The following RSRC1 variants were observed in gnomAD, a reference collection of about 807,000 sequenced individuals.
RSRC1 encodes serine/Arginine-related protein 53.
In RSRC1, 39 loss-of-function variants were observed where a neutral mutation model predicts 49.1. The ratio of observed to expected loss-of-function variants is 0.79; its 90% CI spans 0.61 to 1.04. The LOEUF is 1.04. RSRC1 is among the 50% of genes least tolerant of loss of function. The probability of loss-of-function intolerance (pLI) is 0.00; values close to 1 mark genes in which losing one functional copy is unlikely to be tolerated. For missense variants in RSRC1, 388 were observed against 402.4 expected, an observed-to-expected ratio of 0.96 and a Z score of 0.31; for synonymous variants, 143 against 130.8, an observed-to-expected ratio of 1.09 and a Z score of -0.63.
At chr3:158,426,832 A>G (rs1735474283) in intron 6 of RSRC1, among the ~76,000 whole-genome samples, 1 of 151,766 alleles carries the variant, frequency 6.6e-6, no homozygotes, top group South Asian at 2.1e-4. Flanking sequence ...GAAGGGAGCC[A>G]AAAAGGAATG....
intron 7 of RSRC1, among the ~76,000 whole-genome samples, chr3:158,529,563 C>A (rs1712258398): frequency 6.6e-6 from 1 of 151,872 alleles, no homozygotes; most frequent in African/African-American, 2.4e-5. Context: ...GTGAAGTGCT[C>A]AGCGCAGAGT....
chr3:158,449,123 C>T (rs943540376), intron 6 of RSRC1, among the ~76,000 whole-genome samples: 1 of 151,766 alleles, frequency 6.6e-6, no homozygotes, highest in Admixed American at 6.6e-5. Context: ...CAGAAATAAA[C>T]ATAATCGATC....
chr3:158,117,635 C>T (rs547670895), intron 1 of RSRC1, among the ~76,000 whole-genome samples: 4 of 80,758 alleles, frequency 5.0e-5, no homozygotes, highest in South Asian at 7.1e-4. Context: ...CCCTTTTCTC[C>T]TGTTTTTAAA....
chr3:158,511,950 G>A (rs1175483690), intron 7 of RSRC1, among the ~76,000 whole-genome samples: 163 of 149,434 alleles, frequency 1.1e-3, no homozygotes, highest in East Asian at 3.7e-3. Flanking sequence ...CATGTCCTTC[G>A]CCCACTTTTT....
At chr3:158,146,513 C>T (rs1717128109) in intron 3 of RSRC1, among the ~76,000 whole-genome samples, 1 of 152,128 alleles carries the variant, frequency 6.6e-6, no homozygotes, top group African/African-American at 2.4e-5. Context: ...TTTTGATGTG[C>T]TGCTGGGTTC....
At chr3:158,312,984 A>G (rs926505007) in intron 5 of RSRC1, among the ~76,000 whole-genome samples, 4 of 152,138 alleles carry the variant, frequency 2.6e-5, no homozygotes, top group African/African-American at 9.7e-5. Flanking sequence ...TAACAGGTTT[A>G]TATCTTGACA....
At chr3:158,248,476 A>G (rs1724027884) in intron 4 of RSRC1, among the ~76,000 whole-genome samples, 1 of 151,934 alleles carries the variant, frequency 6.6e-6, no homozygotes, top group Non-Finnish European at 1.5e-5. Context: ...TTTGACTGTT[A>G]CTGTTTCCTG....
chr3:158,411,112 A>C (rs1205045363), intron 6 of RSRC1, among the ~76,000 whole-genome samples: 1 of 152,140 alleles, frequency 6.6e-6, no homozygotes, highest in Non-Finnish European at 1.5e-5. Context: ...ATCTATGTGC[A>C]TGTAGCTGCA....
chr3:158,117,162 G>T (rs923728409), intron 1 of RSRC1, among the ~76,000 whole-genome samples: 2 of 152,048 alleles, frequency 1.3e-5, no homozygotes, highest in African/African-American at 4.8e-5. Context: ...GCCTTTTATT[G>T]TGCTACCCAT....
rs1373975395 is a variant in RSRC1, at chr3:158,119,709, GAC to G, written c.-2-2390_-2-2389del. ...TATATTTTATGTATAAATGGATATG[GAC>G]ACATGTGAATTTATATGTATGTACA... On this transcript the variant is annotated intron_variant, in intron 1 of 9. Transcript: ENST00000611884. Among the ~76,000 whole-genome samples the G allele has an allele frequency of 5.7e-5, 5 of 88,156 alleles. No homozygotes were observed. In the Admixed American group the frequency reaches 6.1e-4, roughly 11 times the overall value. 57.8% of individuals were successfully genotyped at this position (88,156 alleles called of 152,430 possible). A position where few individuals can be genotyped will look rare whatever the true frequency, so the allele number is the denominator to read the frequency against.
intron 5 of RSRC1, among the ~76,000 whole-genome samples, chr3:158,354,312 T>C (rs1454371138): frequency 1.3e-5 from 2 of 152,184 alleles, no homozygotes; most frequent in African/African-American, 4.8e-5. Context: ...GTTTCATTGT[T>C]ATCAACTATA....
chr3:158,272,224 C>T (rs886146974), intron 4 of RSRC1, among the ~76,000 whole-genome samples: 2 of 152,042 alleles, frequency 1.3e-5, no homozygotes, highest in African/African-American at 4.8e-5. Context: ...AAATGAAAAC[C>T]ATTCATCTAG....
intron 6 of RSRC1, among the ~76,000 whole-genome samples, chr3:158,423,431 T>C (rs970053454): frequency 6.6e-6 from 1 of 152,154 alleles, no homozygotes; most frequent in Non-Finnish European, 1.5e-5. Flanking sequence ...GTTCCATTGA[T>C]CTATATCTCT....
chr3:158,145,740 G>A (rs1430693004), intron 3 of RSRC1, among the ~76,000 whole-genome samples: 3 of 152,098 alleles, frequency 2.0e-5, no homozygotes, highest in East Asian at 1.9e-4. Flanking sequence ...CCATTTTCAC[G>A]ATATTGCTTC....
At chr3:158,389,756 A>G (rs770117767) in intron 6 of RSRC1, among the ~76,000 whole-genome samples, 15 of 152,216 alleles carry the variant, frequency 9.9e-5, no homozygotes, top group African/African-American at 1.7e-4. Context: ...AATTTCACTT[A>G]CATGTGTATC....
rs181366234 is a variant in RSRC1 at position 158,161,879 on chromosome 3, A to C, written c.320+37888A>C. 4.8e-3 allele frequency among the ~76,000 whole-genome samples: 724 copies of C among 152,310 alleles called. 9 individuals carry two copies. Among genetic ancestry groups the C allele is most frequent in the Non-Finnish European group, 4.0e-3 (273 of 68,012 alleles). On this transcript the variant is annotated intron_variant, in intron 3 of 9. Transcript: ENST00000611884. ...CAATTAAAAGGCAAGGGGGGGCTCA[A>C]AATTTTTAAAAGCTCTTATCAAAAG...
At chr3:158,438,470 T>G (rs1436635713) in intron 6 of RSRC1, among the ~76,000 whole-genome samples, 3 of 151,908 alleles carry the variant, frequency 2.0e-5, no homozygotes, top group Non-Finnish European at 2.9e-5. Context: ...CCAAAACAGA[T>G]ATATAGACCA....
intron 5 of RSRC1, among the ~76,000 whole-genome samples, chr3:158,321,932 A>G (rs544870139): frequency 3.5e-5 from 5 of 144,194 alleles, no homozygotes; most frequent in African/African-American, 1.2e-4. Flanking sequence ...TTTATCAAAC[A>G]TATGTCTTTT....
At chr3:158,244,154 A>G (rs1043934421) in intron 4 of RSRC1, among the ~76,000 whole-genome samples, 1 of 152,108 alleles carries the variant, frequency 6.6e-6, no homozygotes, top group Non-Finnish European at 1.5e-5. Context: ...AGAACTTCCA[A>G]TACTATGTTG....
Sources: allele counts gnomAD v4.1 joint callset (sites outside exome capture counted in the v4.1 genomes callset), GRCh38; gene constraint gnomAD v4.1.1; transcripts MANE v1.5; gene names NCBI Gene and HGNC (gene_info 2026-07-23, HGNC 2026-07-21).